GRAMD1B: variants seen among roughly 807,000 people sequenced by gnomAD.
GRAMD1B encodes the protein GRAM domain containing 1B.
In GRAMD1B, 37 loss-of-function variants were observed where a neutral mutation model predicts 99.7. The observed-to-expected ratio is 0.37, with a 90% CI of 0.29 to 0.49. The LOEUF is 0.49. Ranked by LOEUF, GRAMD1B falls within the 20% of genes least tolerant of loss-of-function variation. The pLI, the probability that GRAMD1B is intolerant of heterozygous loss-of-function variation, is 0.98. For synonymous variants in GRAMD1B, 427 were observed against 387.6 expected (o/e 1.10, Z -1.19); for missense variants, 888 against 1,009.2 (o/e 0.88, Z 1.63).
rs2846292 is a variant in GRAMD1B, at chr11:123,492,359, A to G, written c.452+11466A>G. On this transcript the variant is annotated intron_variant, in intron 2 of 19. Transcript: ENST00000635736. This position sits in a 1 kb window ranked among gnomAD's most constrained non-coding sequence, Gnocchi z 4.2. ...GTGGATCATTCTCTTCCACTTACAG[A>G]GACCTAAGCAGTAGGTGTTTGGGGC... Among the ~76,000 whole-genome samples, 64,083 of 151,908 alleles carry G rather than the reference A, an allele frequency of 0.42. 15,332 individuals carry two copies. Among genetic ancestry groups the G allele is most frequent in the African/African-American group, 0.65 (27,099 of 41,438 alleles).
intron 2 of GRAMD1B, among the ~76,000 whole-genome samples, chr11:123,567,961 C>T (rs1449959087): frequency 6.6e-6 from 1 of 152,222 alleles, no homozygotes; most frequent in Non-Finnish European, 1.5e-5. Flanking sequence ...AAAGTCAGTG[C>T]TCAGACTTTC....
At chr11:123,498,177 G>A (rs948004627) in intron 2 of GRAMD1B, among the ~76,000 whole-genome samples, 1 of 152,086 alleles carries the variant, frequency 6.6e-6, no homozygotes, top group Admixed American at 6.5e-5. Flanking sequence ...TGCTGACCAC[G>A]AGCCTTGAAC....
At chr11:123,621,976 CTCT>C (rs1404920540) in intron 19 of GRAMD1B, among the ~76,000 whole-genome samples, 1 of 141,912 alleles carries the variant, frequency 7.0e-6, no homozygotes, top group African/African-American at 2.6e-5. Context: ...TCTTTCCTCT[CTCT>C]TTTTTTCTTT....
intron 1 of GRAMD1B, among the ~76,000 whole-genome samples, chr11:123,442,812 T>G (rs1012879722): frequency 1.3e-5 from 2 of 152,032 alleles, no homozygotes; most frequent in African/African-American, 2.4e-5. Context: ...ACTCTTTTTC[T>G]GGTTATTTCT....
chr11:123,598,751 G>C (rs977542203), intron 7 of GRAMD1B: 1 of 906,514 alleles, frequency 1.1e-6, no homozygotes, highest in African/African-American at 1.6e-5. Flanking sequence ...TCAGAGCACT[G>C]CTTGTCTCTT....
At chr11:123,491,045 A>G (rs1305040275) in intron 2 of GRAMD1B, among the ~76,000 whole-genome samples, 2 of 152,168 alleles carry the variant, frequency 1.3e-5, no homozygotes, top group Admixed American at 1.3e-4. Context: ...CTTAAAAGAC[A>G]TTTGTGGCTG....
intron 1 of GRAMD1B, among the ~76,000 whole-genome samples, chr11:123,381,756 T>C (rs377719767): frequency 6.6e-6 from 1 of 152,212 alleles, no homozygotes; most frequent in East Asian, 1.9e-4. Flanking sequence ...TTTTTTTAAA[T>C]GATAAAAATT....
At chr11:123,620,920 A>T (rs1955049695) in intron 19 of GRAMD1B, among the ~76,000 whole-genome samples, 1 of 152,228 alleles carries the variant, frequency 6.6e-6, no homozygotes, top group African/African-American at 2.4e-5. Context: ...GATGATGGAT[A>T]AAGAACTTAT....
chr11:123,363,554 C>G (rs2135688808), intron 1 of GRAMD1B, among the ~76,000 whole-genome samples: 1 of 151,120 alleles, frequency 6.6e-6, no homozygotes, highest in African/African-American at 2.5e-5. Context: ...TTTCCCCTCT[C>G]ATACTCTCTC....
intron 1 of GRAMD1B, among the ~76,000 whole-genome samples, chr11:123,397,651 G>A (rs1399123623): frequency 6.6e-6 from 1 of 152,020 alleles, no homozygotes; most frequent in Non-Finnish European, 1.5e-5. Context: ...CCCAGAGTGT[G>A]CCGCCACATC....
At chr11:123,365,660 T>C (rs1946297222) in intron 1 of GRAMD1B, among the ~76,000 whole-genome samples, 1 of 152,236 alleles carries the variant, frequency 6.6e-6, no homozygotes, top group African/African-American at 2.4e-5. Flanking sequence ...GCAGTTGATA[T>C]ATAAGGGGAT....
chr11:123,395,830 T>C (rs185143834), intron 1 of GRAMD1B, among the ~76,000 whole-genome samples: 6 of 152,356 alleles, frequency 3.9e-5, no homozygotes, highest in Middle Eastern at 3.4e-3. Context: ...AGACCTAAGT[T>C]ACTCAGTGAC....
intron 2 of GRAMD1B, among the ~76,000 whole-genome samples, chr11:123,495,114 T>TACACACACACACAC (rs10695354): frequency 1.9e-4 from 28 of 148,648 alleles, no homozygotes; most frequent in African/African-American, 6.7e-4. Flanking sequence ...TATATATACA[T>TACACACACACACAC]ACACACACAC....
chr11:123,362,629 G>A (rs1033312601), intron 1 of GRAMD1B, among the ~76,000 whole-genome samples: 16 of 152,162 alleles, frequency 1.1e-4, no homozygotes, highest in African/African-American at 3.1e-4. Context: ...TGAGCTCAAT[G>A]GATAGTAAAC....
In GRAMD1B at chr11:123,587,652, T is replaced by G. The variant is rs1950203740; in HGVS notation, c.684+3320T>G. 6.6e-6 allele frequency among the ~76,000 whole-genome samples: 1 copy of G among 152,106 alleles called. No individual in the cohort carries two copies. Among genetic ancestry groups the G allele is most frequent in the South Asian group, 2.1e-4 (1 of 4,824 alleles). On this transcript the variant is annotated intron_variant, in intron 4 of 19. Transcript: ENST00000635736. The surrounding 1 kb of genome is among the most constrained non-coding windows in gnomAD (Gnocchi z 4.2). ...AGCCCCAGAAGGAGCATTTCTGAGA[T>G]CAGAGCACAGGAGCCCAGACCCTGG...
intron 1 of GRAMD1B, among the ~76,000 whole-genome samples, chr11:123,457,607 C>T (rs1950218107): frequency 1.3e-5 from 2 of 152,242 alleles, no homozygotes; most frequent in Non-Finnish European, 2.9e-5. Flanking sequence ...GCAACTTGCT[C>T]TGTGTTCTAC....
chr11:123,615,253 A>G (rs1208531119), intron 17 of GRAMD1B, among the ~76,000 whole-genome samples: 2 of 152,256 alleles, frequency 1.3e-5, no homozygotes, highest in East Asian at 3.8e-4. Context: ...CTGTGCACTC[A>G]TGGAGCCCAC....
intron 2 of GRAMD1B, among the ~76,000 whole-genome samples, chr11:123,548,020 C>T (rs561062769): frequency 6.6e-5 from 10 of 151,956 alleles, no homozygotes; most frequent in African/African-American, 2.2e-4. Flanking sequence ...AGGCAGGCTC[C>T]GGCATCTGGG....
intron 1 of GRAMD1B, among the ~76,000 whole-genome samples, chr11:123,415,081 TTTTCTTTTTC>T (rs1439592216): frequency 6.7e-6 from 1 of 148,428 alleles, no homozygotes; most frequent in African/African-American, 2.5e-5. Context: ...TTCTTTTTTC[TTTTCTTTTTC>T]TTTCTTTTTT....
Sources: gnomAD v4.1 joint callset for allele counts (sites outside exome capture counted in the v4.1 genomes callset) on GRCh38, gnomAD v4.1.1 for gene constraint, Gnocchi (gnomAD v3.1) non-coding constraint, MANE v1.5 for transcripts, NCBI Gene and HGNC (gene_info 2026-07-23, HGNC 2026-07-21) for gene names.